ARHGEF4: variants seen among roughly 807,000 people sequenced by gnomAD.
ARHGEF4 encodes Rho guanine nucleotide exchange factor 4.
Under a neutral mutation model 162.0 loss-of-function variants are expected in ARHGEF4, and 119 were observed. That is an observed-to-expected ratio of 0.73 (90% CI 0.63 to 0.86). The LOEUF is 0.86. ARHGEF4 is among the 40% of genes least tolerant of loss of function. The pLI, the probability that ARHGEF4 is intolerant of heterozygous loss-of-function variation, is 0.00. For missense variants in ARHGEF4, 2,488 were observed against 2,456.0 expected (o/e 1.01, Z -0.28); for synonymous variants, 1,014 against 979.9 (o/e 1.03, Z -0.65).
At chr2:131,008,571 T>C (rs1688268908) in intron 4 of ARHGEF4, among the ~76,000 whole-genome samples, 1 of 152,132 alleles carries the variant, frequency 6.6e-6, no homozygotes, top group African/African-American at 2.4e-5. Flanking sequence ...CATTTTCCTC[T>C]TTTTTTGTCA....
intron 4 of ARHGEF4, among the ~76,000 whole-genome samples, chr2:130,962,742 TCTG>T (rs1380989173): frequency 6.6e-6 from 1 of 151,158 alleles, no homozygotes. Flanking sequence ...TCTCAATACT[TCTG>T]CTGCTTACAC....
chr2:130,989,522 C>A, intron 4 of ARHGEF4, among the ~76,000 whole-genome samples: 1 of 152,152 alleles, frequency 6.6e-6, no homozygotes, highest in East Asian at 1.9e-4. Flanking sequence ...TTTAGCATTG[C>A]ACATGACTAT....
At chr2:130,865,712 G>A (rs1029282275) in intron 1 of ARHGEF4, among the ~76,000 whole-genome samples, 3 of 141,410 alleles carry the variant, frequency 2.1e-5, no homozygotes, top group African/African-American at 9.4e-5. Flanking sequence ...GGTTTTGTTT[G>A]TTTGTTTGTT....
intron 2 of ARHGEF4, 41 bp downstream of exon 2, chr2:130,917,539 A>C: frequency 2.0e-6 from 3 of 1,501,310 alleles, no homozygotes; most frequent in Non-Finnish European, 2.7e-6. Flanking sequence ...TGACCTCTGC[A>C]GGCAAGAGAA....
intron 4 of ARHGEF4, among the ~76,000 whole-genome samples, chr2:131,006,527 C>T (rs1438689964): frequency 1.3e-5 from 2 of 152,192 alleles, no homozygotes; most frequent in Non-Finnish European, 2.9e-5. Context: ...TTAGGGAATG[C>T]CATCCAGGAG....
intron 1 of ARHGEF4, among the ~76,000 whole-genome samples, chr2:130,885,670 A>G (rs1679477262): frequency 6.7e-6 from 1 of 148,362 alleles, no homozygotes; most frequent in Non-Finnish European, 1.5e-5. Flanking sequence ...CCTGGGTTCA[A>G]GCGATTCTCC....
At chr2:130,932,252 C>T (rs1270069803) in intron 3 of ARHGEF4, among the ~76,000 whole-genome samples, 2 of 151,946 alleles carry the variant, frequency 1.3e-5, no homozygotes, top group Non-Finnish European at 2.9e-5. Flanking sequence ...GGCTAAGTAA[C>T]ATTTCGTTAT....
At chr2:130,904,831 C>G (rs1305378195) in intron 1 of ARHGEF4, among the ~76,000 whole-genome samples, 1 of 151,756 alleles carries the variant, frequency 6.6e-6, no homozygotes, top group African/African-American at 2.4e-5. Context: ...GTAATCCCAG[C>G]ACTTTGTGGG....
intron 3 of ARHGEF4, 141 bp downstream of exon 3, chr2:130,931,398 T>G: frequency 3.4e-6 from 3 of 883,684 alleles, no homozygotes; most frequent in Non-Finnish European, 5.1e-6. Context: ...TACAGCATGC[T>G]GCCTGGGCCA....
chr2:130,943,211 T>A (rs67521504), intron 3 of ARHGEF4, among the ~76,000 whole-genome samples: 35,553 of 152,090 alleles, frequency 0.23, 4,922 homozygotes, highest in African/African-American at 0.38. Flanking sequence ...TTCTTCTGTG[T>A]CCTTGGTAAT....
chr2:130,997,372 T>C (rs1244896623), intron 4 of ARHGEF4, among the ~76,000 whole-genome samples: 8 of 152,126 alleles, frequency 5.3e-5, no homozygotes, highest in Non-Finnish European at 1.2e-4. Flanking sequence ...TTGTTATGTA[T>C]TTTTTTTCTT....
At chr2:130,946,428 A>G (rs1228894545) in intron 3 of ARHGEF4, 81 bp from the exon 4 acceptor site, 3 of 1,509,132 alleles carry the variant, frequency 2.0e-6, no homozygotes, top group East Asian at 2.3e-5. Context: ...GTCCTCAGCA[A>G]TTAGAAAGAC....
chr2:131,040,742 A>C (rs939564568), intron 8 of ARHGEF4, among the ~76,000 whole-genome samples: 2 of 152,330 alleles, frequency 1.3e-5, no homozygotes, highest in Non-Finnish European at 2.9e-5. Context: ...GGGGCTGTTC[A>C]GAGTGAGCTC....
intron 4 of ARHGEF4, among the ~76,000 whole-genome samples, chr2:131,016,542 C>G (rs1241560327): frequency 2.0e-5 from 3 of 152,258 alleles, no homozygotes; most frequent in Non-Finnish European, 4.4e-5. Context: ...TCTCAAAGGG[C>G]CCCAAGGCCA....
intron 1 of ARHGEF4, among the ~76,000 whole-genome samples, chr2:130,853,258 A>G (rs1259795395): frequency 1.3e-5 from 2 of 152,154 alleles, no homozygotes; most frequent in Admixed American, 1.3e-4. Context: ...CTGATGGTAG[A>G]AAATTCAGAG....
intron 4 of ARHGEF4, among the ~76,000 whole-genome samples, chr2:130,986,602 A>C (rs570557706): frequency 1.2e-3 from 186 of 152,282 alleles, no homozygotes; most frequent in African/African-American, 4.3e-3. Context: ...TGTTCTGTAC[A>C]CAGGAGGCCA....
intron 1 of ARHGEF4, among the ~76,000 whole-genome samples, chr2:130,870,534 A>G (rs1294117755): frequency 6.6e-6 from 1 of 152,050 alleles, no homozygotes; most frequent in African/African-American, 2.4e-5. Context: ...ATTTTCCTGC[A>G]CCCAATCTCA....
chr2:130,963,801 C>CCG (rs1464862768), intron 4 of ARHGEF4: 1 of 93,514 alleles, frequency 1.1e-5, no homozygotes, highest in African/African-American at 4.0e-5. Context: ...TCGCTCCGAG[C>CCG]CGCGCGCGCC....
Position 130,966,943 on chromosome 2 carries a change from CAT to C in ARHGEF4, c.3985+20309_3985+20310del, listed in dbSNP as rs898266580. Among the ~76,000 whole-genome samples the C allele has an allele frequency of 8.5e-5, 13 of 152,272 alleles. 1 individual carries two copies. The South Asian group carries it at 2.1e-3, about 24-fold the overall frequency. The stretch of plus-strand genomic sequence containing the variant: ...AGTCTAACGGCTGAGACAAAGGACA[CAT>C]GTGTTTAACTGAACTGCATTTCTCT... On this transcript the variant is annotated intron_variant, in intron 4 of 13. Coordinates refer to ENST00000409359, the MANE Select transcript of ARHGEF4 (RefSeq NM_001367493.1).
Sources: gnomAD v4.1 joint callset for allele counts (sites outside exome capture counted in the v4.1 genomes callset) on GRCh38, gnomAD v4.1.1 for gene constraint, MANE v1.5 for transcripts, NCBI Gene and HGNC (gene_info 2026-07-23, HGNC 2026-07-21) for gene names.